NEK10: variants seen among roughly 807,000 people sequenced by gnomAD.
The protein encoded by NEK10 is serine/threonine-protein kinase Nek10.
Under a neutral mutation model 159.8 loss-of-function variants are expected in NEK10, and 122 were observed. The ratio of observed to expected loss-of-function variants is 0.76; its 90% CI spans 0.66 to 0.89. The LOEUF (loss-of-function observed/expected upper bound fraction) is 0.89, where lower values mean the gene tolerates loss of function less well. NEK10 is among the 40% of genes least tolerant of loss of function. The pLI is 0.00. For missense variants in NEK10, 1,342 were observed against 1,323.1 expected (o/e 1.01, Z -0.22); for synonymous variants, 466 against 457.1 (o/e 1.02, Z -0.25).
At chr3:27,289,763 A>G (rs149301717) in intron 19 of NEK10, among the ~76,000 whole-genome samples, 1 of 152,364 alleles carries the variant, frequency 6.6e-6, no homozygotes, top group African/African-American at 2.4e-5. Context: ...ACACATGAAC[A>G]AACTTTTTAA....
intron 30 of NEK10, among the ~76,000 whole-genome samples, chr3:27,156,034 G>A (rs1030566934): frequency 2.6e-5 from 4 of 152,056 alleles, no homozygotes; most frequent in African/African-American, 9.7e-5. Flanking sequence ...ACATAAAGTG[G>A]GGAAAGGACA....
At position 27,291,353 on chromosome 3, in the gene NEK10, C is replaced by G; in HGVS notation, c.1514G>C (p.Ser505Thr). 1 of 1,612,014 alleles carries G rather than the reference C, an allele frequency of 6.2e-7. No homozygotes were observed. The highest frequency in any genetic ancestry group is 8.5e-7 in the Non-Finnish European group (1 of 1,178,684). Residue 505 changes from serine to threonine, a missense_variant, in exon 18 of 36, where the codon AGC becomes ACC. By Grantham distance (58) the Ser-to-Thr change is moderately conservative (BLOSUM62 1). Coordinates refer to ENST00000691995, the MANE Select transcript of NEK10 (RefSeq NM_001394966.1). ...CAAAGGAGCTTTGTTCTGATTAATG[C>G]TTTCAATATTTTCAGCAATTTGCTT... ...ELKQIAENIESINQNKAPLKY... is the reference protein window; with the variant it reads ...ELKQIAENIETINQNKAPLKY...
intron 22 of NEK10, among the ~76,000 whole-genome samples, chr3:27,257,862 T>C (rs983961641): frequency 6.6e-6 from 1 of 151,290 alleles, no homozygotes; most frequent in South Asian, 2.1e-4. Flanking sequence ...AATCTCGGCT[T>C]ACTGCAAGCT....
intron 25 of NEK10, among the ~76,000 whole-genome samples, chr3:27,198,144 G>GA (rs1434385575): frequency 1.3e-5 from 2 of 151,964 alleles, no homozygotes; most frequent in African/African-American, 2.4e-5. Flanking sequence ...CAAACAAATG[G>GA]AAAAATACCC....
intron 29 of NEK10, among the ~76,000 whole-genome samples, chr3:27,163,584 C>G (rs1415893592): frequency 1.3e-5 from 2 of 151,902 alleles, no homozygotes; most frequent in Non-Finnish European, 2.9e-5. Flanking sequence ...GATCTCCTGA[C>G]GTCATGATCC....
chr3:27,328,343 T>A (rs946903396), intron 5 of NEK10, among the ~76,000 whole-genome samples: 202 of 152,272 alleles, frequency 1.3e-3, no homozygotes, highest in African/African-American at 4.8e-3. Flanking sequence ...CAGTGGAGAA[T>A]AATCAAGGTT....
intron 31 of NEK10, among the ~76,000 whole-genome samples, chr3:27,134,167 G>T (rs571162605): frequency 6.6e-6 from 1 of 152,160 alleles, no homozygotes; most frequent in Non-Finnish European, 1.5e-5. Context: ...TGATATATGT[G>T]TGTGAGAGAG....
At chr3:27,365,723 C>T (rs1436233416) in intron 1 of NEK10, among the ~76,000 whole-genome samples, 1 of 146,836 alleles carries the variant, frequency 6.8e-6, no homozygotes, top group Non-Finnish European at 1.5e-5. Flanking sequence ...AGTGATTCTC[C>T]TGTCTCAGCC....
chr3:27,233,409 G>A (rs1953532229), intron 23 of NEK10, among the ~76,000 whole-genome samples: 1 of 151,948 alleles, frequency 6.6e-6, no homozygotes, highest in Non-Finnish European at 1.5e-5. Flanking sequence ...AACAATAGAT[G>A]TTGGTGTGGA....
chr3:27,343,363 T>G (rs1055024428), intron 5 of NEK10, among the ~76,000 whole-genome samples: 2 of 152,082 alleles, frequency 1.3e-5, no homozygotes, highest in African/African-American at 4.8e-5. Context: ...CAAGTCAGAG[T>G]TTTATTTTGA....
At chr3:27,262,304 T>C (rs932559720) in intron 22 of NEK10, among the ~76,000 whole-genome samples, 6 of 152,306 alleles carry the variant, frequency 3.9e-5, no homozygotes, top group East Asian at 1.9e-4. Context: ...CTGACAATTA[T>C]GTGTCTTGGA....
intron 5 of NEK10, among the ~76,000 whole-genome samples, chr3:27,324,366 A>T (rs1462218603): frequency 6.6e-6 from 1 of 152,146 alleles, no homozygotes; most frequent in Admixed American, 6.5e-5. Flanking sequence ...TGAAACTAGA[A>T]CCCATGGCTT....
intron 30 of NEK10, among the ~76,000 whole-genome samples, chr3:27,153,764 A>G (rs1040164761): frequency 1.5e-4 from 23 of 152,300 alleles, no homozygotes; most frequent in African/African-American, 4.3e-4. Context: ...TTGAATGACA[A>G]TAATGACACA....
chr3:27,165,923 T>C (rs1164350435), intron 29 of NEK10, among the ~76,000 whole-genome samples: 1 of 152,228 alleles, frequency 6.6e-6, no homozygotes, highest in Non-Finnish European at 1.5e-5. Flanking sequence ...CTCATAAGAA[T>C]TCCTTGAAAT....
intron 23 of NEK10, among the ~76,000 whole-genome samples, chr3:27,235,983 G>C (rs1953866351): frequency 6.6e-6 from 1 of 152,126 alleles, no homozygotes; most frequent in Non-Finnish European, 1.5e-5. Flanking sequence ...AAAAGAATAA[G>C]ATCATGTCCT....
At chr3:27,316,994 G>A (rs1445014773) in intron 6 of NEK10, among the ~76,000 whole-genome samples, 1 of 152,192 alleles carries the variant, frequency 6.6e-6, no homozygotes, top group Non-Finnish European at 1.5e-5. Flanking sequence ...CGTTTCCCAG[G>A]ACACGTATTA....
rs186202981 is a variant in NEK10, at chr3:27,246,182, C to A, written c.2090+10114G>T. 2.6e-5 allele frequency among the ~76,000 whole-genome samples: 4 copies of A among 152,240 alleles called. No homozygotes were observed. The South Asian group carries it at 8.3e-4, about 32-fold the overall frequency. ...TCAGAACAAATCAGACTGAAAAATG[C>A]ATAATGTACAATGGCATTATGTACC... is the stretch of plus-strand genomic sequence containing the variant. On this transcript the variant is annotated intron_variant, in intron 23 of 35. Coordinates refer to ENST00000691995, the MANE Select transcript of NEK10 (RefSeq NM_001394966.1).
At chr3:27,184,846 C>T (rs908009166) in intron 26 of NEK10, among the ~76,000 whole-genome samples, 3 of 152,108 alleles carry the variant, frequency 2.0e-5, no homozygotes, top group Non-Finnish European at 4.4e-5. Context: ...ATTTAATCTC[C>T]TAGCAGAGGA....
At chr3:27,142,115 A>G (rs1395041137) in intron 30 of NEK10, among the ~76,000 whole-genome samples, 1 of 152,206 alleles carries the variant, frequency 6.6e-6, no homozygotes, top group African/African-American at 2.4e-5. Context: ...TATAATTTTC[A>G]CATAGATTTC....
Sources: allele counts gnomAD v4.1 joint callset (sites outside exome capture counted in the v4.1 genomes callset), GRCh38; gene constraint gnomAD v4.1.1; transcripts MANE v1.5; gene names NCBI Gene and HGNC (gene_info 2026-07-23, HGNC 2026-07-21).